DAAM2: variants seen among roughly 807,000 people sequenced by gnomAD.
DAAM2 encodes the protein disheveled-associated activator of morphogenesis 2.
DAAM2 carries 39 observed loss-of-function variants against 120.7 expected under a neutral mutation model. The ratio of observed to expected loss-of-function variants is 0.32; its 90% CI spans 0.25 to 0.42. The LOEUF (loss-of-function observed/expected upper bound fraction) is 0.42, where lower values mean the gene tolerates loss of function less well. Ranked by LOEUF, DAAM2 falls within the 10% of genes least tolerant of loss-of-function variation. The probability of loss-of-function intolerance (pLI) is 1.00; values close to 1 mark genes in which losing one functional copy is unlikely to be tolerated. For synonymous variants in DAAM2, 488 were observed against 524.9 expected (o/e 0.93, Z 0.96); for missense variants, 1,283 against 1,401.7 (o/e 0.92, Z 1.35).
intron 1 of DAAM2, among the ~76,000 whole-genome samples, chr6:39,832,012 A>C (rs1262165059): frequency 1.8e-5 from 2 of 113,748 alleles, no homozygotes; most frequent in African/African-American, 3.4e-5. Flanking sequence ...AGGCAGGTAT[A>C]CTGGAGGGAC....
rs1338077992 is a variant in DAAM2 at position 39,895,035 on chromosome 6, C to T, written c.2342-1777C>T. 2.6e-5 allele frequency among the ~76,000 whole-genome samples: 4 copies of T among 152,026 alleles called. No individual in the cohort carries two copies. In the East Asian group the frequency reaches 7.7e-4, roughly 29 times the overall value. ...CTGTTACATGTAGCAGTGGGGTATT[C>T]ATTTTCAGTTCTGCATTTTATTCCA... On this transcript the variant is annotated intron_variant, in intron 19 of 24. Coordinates refer to ENST00000274867, the MANE Select transcript of DAAM2 (RefSeq NM_001201427.2).
chr6:39,811,863 G>A (rs1359017915), intron 1 of DAAM2, among the ~76,000 whole-genome samples: 1 of 152,090 alleles, frequency 6.6e-6, no homozygotes, highest in Admixed American at 6.5e-5. Context: ...CACCAGGGTT[G>A]GATGGTTTGC....
chr6:39,845,549 C>A (rs1002324129), intron 1 of DAAM2, among the ~76,000 whole-genome samples: 4 of 150,848 alleles, frequency 2.7e-5, no homozygotes, highest in African/African-American at 9.8e-5. Context: ...CATAAACATA[C>A]ACCATACCAC....
Position 39,881,645 on chromosome 6 carries a change from G to A in DAAM2, c.1845+2168G>A, listed in dbSNP as rs565269370. Among the ~76,000 whole-genome samples the A allele has an allele frequency of 5.1e-4, 78 of 152,196 alleles. 1 individual carries two copies. The South Asian group carries it at 9.1e-3, about 18-fold the overall frequency. ...GGCAGGAGAATTAAACCTGGGGGGC[G>A]GAGGTTGTAATGAACCAAGATTGCA... On this transcript the variant is annotated intron_variant, in intron 14 of 24. Transcript: ENST00000274867.
intron 1 of DAAM2, among the ~76,000 whole-genome samples, chr6:39,806,853 A>AAAAAAAAAAAAAAACAC: frequency 7.4e-6 from 1 of 135,180 alleles, no homozygotes; most frequent in Non-Finnish European, 1.6e-5. Flanking sequence ...AAAAAAAAAA[A>AAAAAAAAAAAAAAACAC]AAGAAAAGAA....
At chr6:39,873,150 G>A (rs1414548974) in intron 9 of DAAM2, 88 bp from the exon 10 acceptor site, 1 of 832,546 alleles carries the variant, frequency 1.2e-6, no homozygotes, top group Non-Finnish European at 2.0e-6. Flanking sequence ...TATGAGACAG[G>A]GCATAGTGGA....
chr6:39,840,203 G>T (rs1472598521), intron 1 of DAAM2, among the ~76,000 whole-genome samples: 1 of 152,114 alleles, frequency 6.6e-6, no homozygotes, highest in Non-Finnish European at 1.5e-5. Context: ...CTCCAGCCTG[G>T]GCAATAGAGT....
intron 1 of DAAM2, among the ~76,000 whole-genome samples, chr6:39,854,553 G>T (rs923992674): frequency 6.6e-6 from 1 of 152,176 alleles, no homozygotes; most frequent in Non-Finnish European, 1.5e-5. Flanking sequence ...AAAAATTCTA[G>T]AATGACAGTT....
chr6:39,891,740 A>G lies in DAAM2; in HGVS notation c.2341+18A>G, dbSNP rs1490411941. 6.3e-7 allele frequency: 1 copy of G among 1,578,920 alleles called. No homozygotes were observed. Among genetic ancestry groups the G allele is most frequent in the African/African-American group, 1.3e-5 (1 of 74,110 alleles). On this transcript the variant is annotated intron_variant, in intron 19 of 24. Coordinates refer to ENST00000274867, the MANE Select transcript of DAAM2 (RefSeq NM_001201427.2). The stretch of plus-strand genomic sequence containing the variant: ...AGTGGAAGGTAGGGCTGAGGGTTGC[A>G]GGAGGCTTAGAGTGGAGAGTTATCT...
At chr6:39,815,684 A>ACACACC (rs1338441212) in intron 1 of DAAM2, among the ~76,000 whole-genome samples, 2 of 143,344 alleles carry the variant, frequency 1.4e-5, no homozygotes, top group African/African-American at 2.6e-5. Context: ...ACACACACAC[A>ACACACC]CCGTTTACAC....
intron 1 of DAAM2, among the ~76,000 whole-genome samples, chr6:39,810,179 C>T (rs909353274): frequency 9.2e-5 from 14 of 152,150 alleles, no homozygotes; most frequent in East Asian, 1.9e-4. Context: ...CAGTGGAGTC[C>T]GGGGGGAAGC....
At chr6:39,808,367 T>G (rs1371112065) in intron 1 of DAAM2, among the ~76,000 whole-genome samples, 1 of 152,206 alleles carries the variant, frequency 6.6e-6, no homozygotes, top group African/African-American at 2.4e-5. Flanking sequence ...TGGGACCAGA[T>G]AATGTCAAGT....
Position 39,796,645 on chromosome 6 carries a change from GT to G in DAAM2, c.-57+4181del, listed in dbSNP as rs375173984. ...AAAAAAAAAAAAAAAAAAAAAACCT[GT>G]AAAAAAAAAATGAACTTTAGGCAGT... On this transcript the variant is annotated intron_variant, in intron 1 of 24. Coordinates refer to ENST00000274867, the MANE Select transcript of DAAM2 (RefSeq NM_001201427.2). 2.4e-3 allele frequency among the ~76,000 whole-genome samples: 66 copies of G among 27,808 alleles called. 1 individual carries two copies. In the South Asian group the frequency reaches 0.064, roughly 27 times the overall value. The allele number at this position is 27,808 out of a possible 152,430, so 18.2% of individuals were successfully genotyped here.
intron 1 of DAAM2, among the ~76,000 whole-genome samples, chr6:39,802,777 G>GA (rs989215749): frequency 6.6e-6 from 1 of 152,070 alleles, no homozygotes; most frequent in African/African-American, 2.4e-5. Flanking sequence ...ACATAAATGA[G>GA]AAAAAATACA....
intron 1 of DAAM2, chr6:39,819,933 T>C (rs1762432829): frequency 6.6e-6 from 1 of 152,296 alleles, no homozygotes; most frequent in Non-Finnish European, 1.5e-5. Flanking sequence ...TAGGGAATTC[T>C]GCCTCAACCT....
At position 39,878,950 on chromosome 6, in the gene DAAM2, G is replaced by A. The variant is rs190429410; in HGVS notation, c.1546-228G>A. Among the ~76,000 whole-genome samples the A allele has an allele frequency of 9.3e-4, 141 of 152,208 alleles. No homozygotes were observed. Among genetic ancestry groups the A allele is most frequent in the Non-Finnish European group, 1.2e-3 (84 of 68,008 alleles). ...ATGGCTATGACTCTGATTGTCCAGT[G>A]TCCGTGTGCGTGACGTGTGTGTGTC... On this transcript the variant is annotated intron_variant, in intron 13 of 24. Coordinates refer to ENST00000274867, the MANE Select transcript of DAAM2 (RefSeq NM_001201427.2). This position sits in a 1 kb window ranked among gnomAD's most constrained non-coding sequence, Gnocchi z 5.0.
At chr6:39,894,315 T>C (rs1454958976) in intron 19 of DAAM2, among the ~76,000 whole-genome samples, 1 of 152,166 alleles carries the variant, frequency 6.6e-6, no homozygotes, top group Admixed American at 6.5e-5. Flanking sequence ...ATATAAACCT[T>C]AGAAAAAACA....
intron 15 of DAAM2, chr6:39,886,093 A>C: frequency 7.4e-6 from 2 of 268,888 alleles, no homozygotes; most frequent in East Asian, 6.5e-5. Context: ...CAGCAGAGGA[A>C]AAGGAAGAAC....
chr6:39,896,699 A>C, intron 19 of DAAM2, 113 bp from the exon 20 acceptor site: 1 of 862,490 alleles, frequency 1.2e-6, no homozygotes, highest in Non-Finnish European at 1.7e-6. Context: ...TGAGAGTTGA[A>C]GGCATTTGAC....
Sources: gnomAD v4.1 joint callset for allele counts (sites outside exome capture counted in the v4.1 genomes callset) on GRCh38, gnomAD v4.1.1 for gene constraint, Gnocchi (gnomAD v3.1) non-coding constraint, MANE v1.5 for transcripts, NCBI Gene and HGNC (gene_info 2026-07-23, HGNC 2026-07-21) for gene names.